The following WDR7 variants were observed in gnomAD, a reference collection of about 807,000 sequenced individuals.
WDR7 encodes WD repeat-containing protein 7.
In WDR7, 46 loss-of-function variants were observed where a neutral mutation model predicts 169.4. That is an observed-to-expected ratio of 0.27 (90% CI 0.21 to 0.35). WDR7 has a LOEUF of 0.35. Among genes scored for constraint, WDR7 ranks in the 10% least tolerant of loss-of-function variants. The pLI is 1.00. For missense variants in WDR7, 1,534 were observed against 1,859.3 expected, an observed-to-expected ratio of 0.83 and a Z score of 3.22; for synonymous variants, 612 against 666.8, an observed-to-expected ratio of 0.92 and a Z score of 1.27.
intron 21 of WDR7, among the ~76,000 whole-genome samples, chr18:56,911,212 A>G (rs1568262485): frequency 6.6e-6 from 1 of 152,328 alleles, no homozygotes; most frequent in East Asian, 1.9e-4. Flanking sequence ...AACAGCTCCA[A>G]TCAGCAGGGC....
intron 22 of WDR7, among the ~76,000 whole-genome samples, chr18:56,932,528 C>G (rs1465822898): frequency 6.6e-6 from 1 of 152,192 alleles, no homozygotes; most frequent in Non-Finnish European, 1.5e-5. Context: ...TGGCTTGAAG[C>G]AGCAACCTGC....
At chr18:56,986,255 T>C (rs2047718564) in intron 26 of WDR7, among the ~76,000 whole-genome samples, 1 of 151,930 alleles carries the variant, frequency 6.6e-6, no homozygotes, top group Non-Finnish European at 1.5e-5. Context: ...GATAGCGATA[T>C]GTTCAATGAT....
intron 19 of WDR7, 177 bp downstream of exon 19, chr18:56,781,833 G>C: frequency 1.3e-6 from 1 of 747,184 alleles, no homozygotes. Flanking sequence ...TTTGGAACTT[G>C]CTTTAAAAAA....
chr18:56,662,549 A>G (rs544520454), intron 1 of WDR7, among the ~76,000 whole-genome samples: 2 of 152,334 alleles, frequency 1.3e-5, no homozygotes, highest in African/African-American at 4.8e-5. Context: ...CTCATAGACA[A>G]TGTGATGTTG....
intron 21 of WDR7, among the ~76,000 whole-genome samples, chr18:56,909,717 A>G (rs1390333954): frequency 6.6e-6 from 1 of 152,160 alleles, no homozygotes; most frequent in African/African-American, 2.4e-5. Flanking sequence ...TTTGGTTTAC[A>G]GTATTCTTTC....
chr18:57,010,046 A>G, intron 26 of WDR7: 1 of 985,484 alleles, frequency 1.0e-6, no homozygotes, highest in Non-Finnish European at 1.2e-6. Context: ...AAGTCCTGCC[A>G]TGTAAAAGCC....
intron 20 of WDR7, among the ~76,000 whole-genome samples, chr18:56,838,287 G>A (rs1014008864): frequency 6.6e-6 from 1 of 151,908 alleles, no homozygotes; most frequent in Non-Finnish European, 1.5e-5. Flanking sequence ...GACATTTTAT[G>A]CTAAAGCAGG....
intron 20 of WDR7, among the ~76,000 whole-genome samples, chr18:56,846,667 A>C (rs1233112621): frequency 1.3e-5 from 2 of 152,158 alleles, no homozygotes; most frequent in Non-Finnish European, 2.9e-5. Flanking sequence ...TCATTCTGGT[A>C]GTTCATGTGA....
intron 21 of WDR7, among the ~76,000 whole-genome samples, chr18:56,895,246 TTCTG>T (rs1417844750): frequency 1.3e-5 from 2 of 151,972 alleles, no homozygotes; most frequent in East Asian, 1.9e-4. Context: ...AATGAGTAAC[TTCTG>T]TCTACTAGTG....
rs1217361121 is a variant in WDR7, at chr18:56,775,439, G to A, written c.2849-1343G>A. 1.3e-5 allele frequency among the ~76,000 whole-genome samples: 2 copies of A among 152,002 alleles called. 1 individual carries two copies. Among genetic ancestry groups the A allele is most frequent in the Middle Eastern group, 6.4e-3 (2 of 314 alleles). On this transcript the variant is annotated intron_variant, in intron 16 of 27. Coordinates refer to ENST00000254442, the MANE Select transcript of WDR7 (RefSeq NM_015285.3). ...TTAAAAATGATAAAATTATTCCCTG[G>A]AATATAGAAATATTTGGGATTTCTT...
chr18:56,799,163 T>A (rs2044630634), intron 19 of WDR7, among the ~76,000 whole-genome samples: 1 of 152,186 alleles, frequency 6.6e-6, no homozygotes, highest in Non-Finnish European at 1.5e-5. Flanking sequence ...GTGTCCAGCA[T>A]AGCCAGTCAC....
intron 20 of WDR7, among the ~76,000 whole-genome samples, chr18:56,858,326 G>T (rs745960033): frequency 3.9e-4 from 59 of 152,034 alleles, no homozygotes; most frequent in Non-Finnish European, 1.2e-4. Context: ...TCTCTTAAAT[G>T]CACAGTTGTC....
rs369409843 is a variant in WDR7, at chr18:56,682,822, C to T, written c.489C>T (p.Ser163=). The T allele has an allele frequency of 1.4e-5, 23 of 1,613,590 alleles. No homozygotes were observed. The highest frequency in any genetic ancestry group is 1.7e-5 in the Non-Finnish European group (20 of 1,179,744). ...AGATATCACCAGACTGGATTAGCTC[C>T]ATGAGTATTATTCGATCCCACCGAA... ...VSKISPDWIS[S]MSIIRSHRTQ... Residue 163 remains serine (S), a synonymous_variant, in exon 5 of 28, where the codon TCC becomes TCT. Transcript: ENST00000254442.
At chr18:56,698,571 A>G (rs927752897) in intron 12 of WDR7, among the ~76,000 whole-genome samples, 5 of 151,296 alleles carry the variant, frequency 3.3e-5, no homozygotes, top group Non-Finnish European at 4.4e-5. Context: ...GCACCACTGC[A>G]CTCCAGCCTG....
chr18:56,845,674 A>G (rs930913548), intron 20 of WDR7, among the ~76,000 whole-genome samples: 16 of 152,148 alleles, frequency 1.1e-4, no homozygotes, highest in Non-Finnish European at 2.2e-4. Context: ...TAGCAGCTCT[A>G]TTAAAATCAT....
chr18:56,779,649 A>G (rs1405399939), intron 18 of WDR7, 100 bp downstream of exon 18: 5 of 890,576 alleles, frequency 5.6e-6, no homozygotes, highest in African/African-American at 5.1e-5. Flanking sequence ...CTGATTTATC[A>G]TCTGTTCATT....
At chr18:56,794,302 C>CTCTTTTTTT (rs1217568621) in intron 19 of WDR7, among the ~76,000 whole-genome samples, 1 of 29,466 alleles carries the variant, frequency 3.4e-5, no homozygotes, top group Non-Finnish European at 9.1e-5. Context: ...AAGGTAAAGT[C>CTCTTTTTTT]TATTTTTTTT....
chr18:56,925,144 A>C (rs2046787247), intron 22 of WDR7, among the ~76,000 whole-genome samples: 4 of 152,348 alleles, frequency 2.6e-5, no homozygotes, highest in Non-Finnish European at 4.4e-5. Context: ...CATTCCATTC[A>C]TGGTTATATC....
At chr18:56,877,646 T>C (rs996408056) in intron 20 of WDR7, among the ~76,000 whole-genome samples, 3 of 152,212 alleles carry the variant, frequency 2.0e-5, no homozygotes, top group Admixed American at 2.0e-4. Context: ...GTTTATCTGT[T>C]GGTGTTATCT....
Sources: allele counts gnomAD v4.1 joint callset (sites outside exome capture counted in the v4.1 genomes callset), GRCh38; gene constraint gnomAD v4.1.1; transcripts MANE v1.5; gene names NCBI Gene and HGNC (gene_info 2026-07-23, HGNC 2026-07-21).